Variants in JMY observed in about 807,000 individuals in gnomAD.
JMY encodes the protein junction mediating and regulatory protein, p53 cofactor.
Under a neutral mutation model 103.3 loss-of-function variants are expected in JMY, and 46 were observed. The ratio of observed to expected loss-of-function variants is 0.45; its 90% CI spans 0.35 to 0.57. JMY has a LOEUF of 0.57. Among genes scored for constraint, JMY ranks in the 20% least tolerant of loss-of-function variants. The probability of loss-of-function intolerance (pLI) is 0.00; values close to 1 mark genes in which losing one functional copy is unlikely to be tolerated. For synonymous variants in JMY, 526 were observed against 489.3 expected (o/e 1.07, Z -0.99); for missense variants, 1,238 against 1,255.2 (o/e 0.99, Z 0.21).
At chr5:79,291,326 ATCAGAAAAAGT>A in intron 4 of JMY, 27 bp downstream of exon 4, 1 of 1,520,870 alleles carries the variant, frequency 6.6e-7, no homozygotes, top group Non-Finnish European at 8.8e-7. Flanking sequence ...GAAATATAAA[ATCAGAAAAAGT>A]TACAGTTTGT....
At chr5:79,318,761 T>TATAG (rs1218912301) in intron 10 of JMY, among the ~76,000 whole-genome samples, 54 of 53,586 alleles carry the variant, frequency 1.0e-3, no homozygotes, top group East Asian at 4.5e-3. Flanking sequence ...TATATATATA[T>TATAG]AGAGAGAGAG....
At chr5:79,253,501 C>T (rs1423876702) in intron 1 of JMY, among the ~76,000 whole-genome samples, 1 of 152,056 alleles carries the variant, frequency 6.6e-6, no homozygotes, top group African/African-American at 2.4e-5. Flanking sequence ...ACCGTGTTAG[C>T]CAGGATAGTC....
intron 2 of JMY, among the ~76,000 whole-genome samples, chr5:79,288,779 G>A (rs1490846707): frequency 1.3e-5 from 2 of 151,336 alleles, no homozygotes; most frequent in Admixed American, 6.6e-5. Context: ...TGGTACCCAC[G>A]CTGGTCTCCC....
intron 6 of JMY, 151 bp from the exon 7 acceptor site, chr5:79,306,224 A>G: frequency 1.7e-6 from 1 of 597,720 alleles, no homozygotes; most frequent in South Asian, 2.2e-5. Context: ...TGGCTTTTAC[A>G]GCTTCAGTTG....
At position 79,236,704 on chromosome 5, in the gene JMY, C is replaced by T; in HGVS notation, c.54C>T (p.Pro18=). 1 of 1,500,000 alleles carries T rather than the reference C, an allele frequency of 6.7e-7. No homozygotes were observed. The highest frequency in any genetic ancestry group is 8.9e-7 in the Non-Finnish European group (1 of 1,121,590). 92.9% of individuals were successfully genotyped at this position (1,500,000 alleles called of 1,614,324 possible). ...AGTCGGACTGGGTGGCTGTGCGGCC[C>T]CATGTGTTCGACGAGCGCGAGAAAC... The part of the protein sequence containing the change: ...TLESDWVAVR[P]HVFDEREKHK... The change falls in exon 1 of 11, where the codon CCC becomes CCT. Residue 18 remains proline (P), a synonymous_variant. Coordinates refer to ENST00000396137, the MANE Select transcript of JMY (RefSeq NM_152405.5).
intron 1 of JMY, among the ~76,000 whole-genome samples, chr5:79,267,784 G>T (rs1277853346): frequency 6.6e-6 from 1 of 152,194 alleles, no homozygotes; most frequent in Non-Finnish European, 1.5e-5. Flanking sequence ...CCATTCACCT[G>T]TTGAAAGACA....
chr5:79,320,098 T>G (rs951474278), intron 10 of JMY, among the ~76,000 whole-genome samples: 11 of 152,026 alleles, frequency 7.2e-5, no homozygotes, highest in Non-Finnish European at 1.5e-5. Context: ...TCAGGCTGAG[T>G]GTGAACTTTA....
At chr5:79,253,314 A>G (rs1024554996) in intron 1 of JMY, among the ~76,000 whole-genome samples, 4 of 149,746 alleles carry the variant, frequency 2.7e-5, no homozygotes, top group Admixed American at 6.7e-5. Context: ...TTTTTTGGAG[A>G]TGGAGTCTCG....
intron 2 of JMY, among the ~76,000 whole-genome samples, chr5:79,278,794 T>C (rs1257394100): frequency 1.2e-5 from 1 of 80,844 alleles, no homozygotes; most frequent in East Asian, 2.7e-4. Context: ...GGAACATTTC[T>C]TTTTTTTTTT....
In JMY at chr5:79,314,683, G is replaced by A; in HGVS notation, c.2491G>A (p.Asp831Asn). Reference protein sequence around the residue: ...PPPPPLPVAKDSGPETLEKDL... With the variant: ...PPPPPLPVAKNSGPETLEKDL... ...ACCACCACCTCTGCCTGTTGCTAAGGACAGTGGCCCAGAGACACTGGAGAA... is the reference window on the plus strand; with the variant it reads ...ACCACCACCTCTGCCTGTTGCTAAGAACAGTGGCCCAGAGACACTGGAGAA... The change falls in exon 9 of 11, where the codon GAC becomes AAC. Residue 831 changes from aspartate to asparagine, a missense_variant. Asp to Asn is a conservative substitution (Grantham distance 23). Coordinates refer to ENST00000396137, the MANE Select transcript of JMY (RefSeq NM_152405.5). The A allele has an allele frequency of 6.3e-7, 1 of 1,594,826 alleles. No individual in the cohort carries two copies. The highest frequency in any genetic ancestry group is 8.5e-7 in the Non-Finnish European group (1 of 1,173,392).
intron 1 of JMY, among the ~76,000 whole-genome samples, chr5:79,267,520 T>G (rs1390137666): frequency 6.6e-6 from 1 of 152,236 alleles, no homozygotes; most frequent in Non-Finnish European, 1.5e-5. Flanking sequence ...GTTAGCAATA[T>G]ACATATAAGG....
chr5:79,255,332 A>G (rs1270680070), intron 1 of JMY, among the ~76,000 whole-genome samples: 2 of 152,008 alleles, frequency 1.3e-5, no homozygotes, highest in Non-Finnish European at 2.9e-5. Flanking sequence ...CCTGACCTCA[A>G]TTGATCTGCT....
At chr5:79,255,308 G>C (rs969325191) in intron 1 of JMY, among the ~76,000 whole-genome samples, 13 of 152,118 alleles carry the variant, frequency 8.5e-5, no homozygotes, top group African/African-American at 3.1e-4. Context: ...TGTTGGCCAG[G>C]CTGGTCTGGA....
At chr5:79,296,274 T>C (rs1746559061) in intron 4 of JMY, among the ~76,000 whole-genome samples, 1 of 152,234 alleles carries the variant, frequency 6.6e-6, no homozygotes, top group South Asian at 2.1e-4. Flanking sequence ...ATGGGAATTT[T>C]CCATTTTCCA....
At chr5:79,285,614 ATC>A (rs1312830636) in intron 2 of JMY, among the ~76,000 whole-genome samples, 1 of 151,184 alleles carries the variant, frequency 6.6e-6, no homozygotes, top group Non-Finnish European at 1.5e-5. Flanking sequence ...AGCTATAAGA[ATC>A]TCTCAACAAT....
chr5:79,285,555 C>T (rs1438742801), intron 2 of JMY, among the ~76,000 whole-genome samples: 6 of 91,354 alleles, frequency 6.6e-5, no homozygotes, highest in African/African-American at 3.5e-4. Flanking sequence ...ACTTGAGTTT[C>T]GATTTCTCTC....
chr5:79,275,509 C>G (rs1469365804), intron 1 of JMY, among the ~76,000 whole-genome samples: 1 of 152,180 alleles, frequency 6.6e-6, no homozygotes, highest in Admixed American at 6.5e-5. Context: ...TTGGCATCCA[C>G]TGGGGCACAC....
At chr5:79,252,103 T>G (rs954252273) in intron 1 of JMY, among the ~76,000 whole-genome samples, 4 of 152,214 alleles carry the variant, frequency 2.6e-5, no homozygotes, top group African/African-American at 9.6e-5. Flanking sequence ...TAGGCACTTA[T>G]AGCTATAAGT....
intron 1 of JMY, among the ~76,000 whole-genome samples, chr5:79,244,001 T>G (rs1435802159): frequency 6.6e-6 from 1 of 151,472 alleles, no homozygotes; most frequent in African/African-American, 2.4e-5. Flanking sequence ...TTTTTTCTTT[T>G]TTTCCTTTTT....
Sources: gnomAD v4.1 joint callset for allele counts (sites outside exome capture counted in the v4.1 genomes callset) on GRCh38, gnomAD v4.1.1 for gene constraint, MANE v1.5 for transcripts, NCBI Gene and HGNC (gene_info 2026-07-23, HGNC 2026-07-21) for gene names.